Variants in MARCHF1 observed in about 807,000 individuals in gnomAD.
MARCHF1 encodes the protein membrane associated ring-CH-type finger 1.
A neutral mutation model predicts 54.2 loss-of-function variants in MARCHF1; 40 were observed. That is an observed-to-expected ratio of 0.74 (90% confidence interval 0.57 to 0.96). MARCHF1 has a LOEUF of 0.96. Among genes scored for constraint, MARCHF1 ranks in the 40% least tolerant of loss-of-function variants. The pLI is 0.00. For missense variants in MARCHF1, 586 were observed against 656.5 expected, an observed-to-expected ratio of 0.89 and a Z score of 1.17; for synonymous variants, 236 against 236.3, an observed-to-expected ratio of 1.00 and a Z score of 0.01.
chr4:163,654,469 G>A (rs1209161651), intron 5 of MARCHF1, among the ~76,000 whole-genome samples: 4 of 151,532 alleles, frequency 2.6e-5, no homozygotes, highest in African/African-American at 9.7e-5. Context: ...CAACAGGATA[G>A]AGGCCTCTAT....
At chr4:164,259,593 A>G (rs563336737) in intron 1 of MARCHF1, among the ~76,000 whole-genome samples, 2 of 151,288 alleles carry the variant, frequency 1.3e-5, no homozygotes, top group African/African-American at 4.9e-5. Context: ...AAAGAAAAAA[A>G]AAAGAAAAGA....
intron 3 of MARCHF1, among the ~76,000 whole-genome samples, chr4:163,971,969 C>T (rs1363507147): frequency 3.9e-5 from 6 of 152,134 alleles, no homozygotes; most frequent in African/African-American, 1.4e-4. Flanking sequence ...CAATGATAGA[C>T]TGGATAAAGA....
At chr4:163,586,080 C>A in intron 7 of MARCHF1, 151 bp from the exon 8 acceptor site, 2 of 636,122 alleles carry the variant, frequency 3.1e-6, no homozygotes, top group Non-Finnish European at 5.1e-6. Context: ...ATGCTAGAAC[C>A]AAATCTATGA....
intron 1 of MARCHF1, among the ~76,000 whole-genome samples, chr4:164,113,217 A>G (rs1439084118): frequency 2.0e-5 from 3 of 151,994 alleles, no homozygotes; most frequent in Non-Finnish European, 2.9e-5. Flanking sequence ...ATGAAATATC[A>G]TTGGGTGCAT....
intron 3 of MARCHF1, among the ~76,000 whole-genome samples, chr4:163,895,155 A>G (rs576817999): frequency 2.0e-5 from 3 of 152,270 alleles, no homozygotes; most frequent in Admixed American, 6.5e-5. Flanking sequence ...CCTATATAAG[A>G]CGTATGTGTG....
chr4:164,310,534 C>A (rs1734821334), intron 1 of MARCHF1, among the ~76,000 whole-genome samples: 1 of 136,688 alleles, frequency 7.3e-6, no homozygotes, highest in Non-Finnish European at 1.5e-5. Context: ...CATTTTTATA[C>A]AGGACGTGTA....
chr4:163,553,439 A>G (rs17473171), intron 8 of MARCHF1, among the ~76,000 whole-genome samples: 11,933 of 152,252 alleles, frequency 0.078, 500 homozygotes, highest in South Asian at 0.12. Flanking sequence ...AAGTACAAAT[A>G]TGTTTTTCGG....
chr4:163,672,878 A>T (rs992825938), intron 5 of MARCHF1, among the ~76,000 whole-genome samples: 1 of 152,028 alleles, frequency 6.6e-6, no homozygotes. Context: ...GCATCACTCC[A>T]AGCTCTGGGT....
chr4:164,172,031 G>A (rs1033819980), intron 1 of MARCHF1, among the ~76,000 whole-genome samples: 1 of 152,178 alleles, frequency 6.6e-6, no homozygotes, highest in African/African-American at 2.4e-5. Context: ...GTAGAATTAA[G>A]ATGTCAAACC....
chr4:163,576,820 C>CT (rs1237852874), intron 8 of MARCHF1, among the ~76,000 whole-genome samples: 2 of 125,418 alleles, frequency 1.6e-5, no homozygotes, highest in African/African-American at 5.6e-5. Context: ...TCCATTTTTA[C>CT]TGTTTTTTTT....
intron 2 of MARCHF1, among the ~76,000 whole-genome samples, chr4:164,071,239 T>C (rs891533260): frequency 2.6e-5 from 4 of 152,234 alleles, no homozygotes; most frequent in African/African-American, 7.2e-5. Context: ...CAATTGTATA[T>C]GGTAATTTTC....
At chr4:163,627,981 T>C (rs1045488593) in intron 5 of MARCHF1, among the ~76,000 whole-genome samples, 1 of 152,016 alleles carries the variant, frequency 6.6e-6, no homozygotes, top group Non-Finnish European at 1.5e-5. Context: ...AAAAAACTCC[T>C]AGAAGAAAAC....
chr4:163,552,687 A>G (rs1739146157), intron 8 of MARCHF1, among the ~76,000 whole-genome samples: 2 of 152,172 alleles, frequency 1.3e-5, no homozygotes, highest in East Asian at 3.9e-4. Flanking sequence ...TGAGGAATGA[A>G]CCGTGCAGCT....
intron 4 of MARCHF1, among the ~76,000 whole-genome samples, chr4:163,822,735 CTCTTT>C (rs1233385141): frequency 1.3e-5 from 2 of 151,924 alleles, no homozygotes; most frequent in East Asian, 1.9e-4. Context: ...AACATTCAAA[CTCTTT>C]TCTTTTAGCT....
chr4:164,199,681 C>CATAGAGAGAGAGAG (rs1462208986), intron 1 of MARCHF1, among the ~76,000 whole-genome samples: 2 of 47,640 alleles, frequency 4.2e-5, no homozygotes, highest in African/African-American at 1.7e-4. Context: ...CACACACACA[C>CATAGAGAGAGAGAG]AGAGAGAGAG....
At chr4:164,099,159 G>C (rs1755479727) in intron 2 of MARCHF1, among the ~76,000 whole-genome samples, 1 of 152,150 alleles carries the variant, frequency 6.6e-6, no homozygotes. Context: ...AGTCTGACTT[G>C]TATGGGGTGC....
chr4:164,067,666 C>T (rs1754758746), intron 2 of MARCHF1, among the ~76,000 whole-genome samples: 2 of 151,952 alleles, frequency 1.3e-5, no homozygotes. Flanking sequence ...TTACATTGGC[C>T]TTGGCAAAGA....
intron 2 of MARCHF1, among the ~76,000 whole-genome samples, chr4:163,997,199 T>C (rs1403464112): frequency 2.6e-5 from 4 of 152,008 alleles, no homozygotes; most frequent in African/African-American, 9.7e-5. Flanking sequence ...GAATGAAGAA[T>C]ATGAACCAGT....
intron 1 of MARCHF1, among the ~76,000 whole-genome samples, chr4:164,117,302 C>A (rs1755958607): frequency 6.6e-6 from 1 of 151,690 alleles, no homozygotes; most frequent in South Asian, 2.1e-4. Flanking sequence ...AGAATAATTT[C>A]TGCTTGAATA....
Sources: allele counts gnomAD v4.1 joint callset (sites outside exome capture counted in the v4.1 genomes callset), GRCh38; gene constraint gnomAD v4.1.1; transcripts MANE v1.5; gene names NCBI Gene and HGNC (gene_info 2026-07-23, HGNC 2026-07-21).